Variants in ZNF185 observed in about 807,000 individuals in gnomAD.
ZNF185 encodes zinc finger protein 185.
A neutral mutation model predicts 58.6 loss-of-function variants in ZNF185; 56 were observed. The observed-to-expected ratio is 0.95, with a 90% CI of 0.77 to 1.19. ZNF185 has a LOEUF of 1.19. ZNF185 is among the 50% of genes most tolerant of loss of function. The pLI is 0.00. For missense variants in ZNF185, 627 were observed against 573.5 expected (o/e 1.09, Z -0.95); for synonymous variants, 230 against 215.9 (o/e 1.07, Z -0.57).
At chrX:152,920,805 C>A (rs1192777312) in intron 9 of ZNF185, 57 bp downstream of exon 10, 8 of 1,158,219 alleles carry the variant, frequency 6.9e-6, no homozygotes, top group Non-Finnish European at 9.4e-6. Flanking sequence ...GAAGGCCTTC[C>A]GTCAGCAGGG....
exon 23 of ZNF185, chrX:152,973,395 T>A (rs1463354012): frequency 4.4e-5 from 5 of 112,697 alleles, no homozygotes; most frequent in African/African-American, 1.6e-4. Context: ...CCTTTTTGCT[T>A]CTTTTCAATT....
chrX:152,916,286 C>T (rs1252719469), intron 3 of ZNF185, among the ~76,000 whole-genome samples: 2 of 111,301 alleles, frequency 1.8e-5, no homozygotes, highest in African/African-American at 6.5e-5. Context: ...CACTGCAGGA[C>T]AGAAGGGTCT....
At position 152,959,764 on chromosome X, in the gene ZNF185, C is replaced by T. The variant is rs782562553; in HGVS notation, c.1475C>T (p.Pro492Leu). Residue 492 changes from proline (P) to leucine (L), a missense_variant, in exon 17 of 23, where the codon CCT (proline) becomes CTT (leucine). Pro to Leu is a moderately conservative substitution (Grantham distance 98). Coordinates refer to ENST00000449285, the Ensembl canonical transcript of ZNF185. ...GTCGGAGAGGCCTGGCAGGACAGGC[C>T]TGGAGCCCCAAGAGGTGGCCAAGGA... 3.3e-6 allele frequency: 4 copies of T among 1,211,846 alleles called. No individual in the cohort carries two copies. The African/African-American group carries it at 5.2e-5, about 16-fold the overall frequency.
chrX:152,967,663 A>G (rs1450642336), intron 20 of ZNF185, among the ~76,000 whole-genome samples: 5 of 112,490 alleles, frequency 4.4e-5, no homozygotes, highest in Non-Finnish European at 7.5e-5. Context: ...AGCCAGAAAG[A>G]CACACAAAGC....
chrX:152,903,546 ATC>A, the ZNF185 span, among the ~76,000 whole-genome samples: 3 of 109,829 alleles, frequency 2.7e-5, no homozygotes, highest in Non-Finnish European at 5.7e-5. Context: ...TGGGACTAGC[ATC>A]TCTGCATGAC....
At chrX:152,901,251 T>G in the ZNF185 span, among the ~76,000 whole-genome samples, 3 of 107,404 alleles carry the variant, frequency 2.8e-5, no homozygotes, top group African/African-American at 1.0e-4. Context: ...TTTTTTTTTT[T>G]TTTTGTTAGA....
chrX:152,933,746 G>C (rs1429712613), intron 14 of ZNF185, among the ~76,000 whole-genome samples: 1 of 112,603 alleles, frequency 8.9e-6, no homozygotes, highest in Non-Finnish European at 1.9e-5. Flanking sequence ...AGCTACAACC[G>C]CAAGATATCA....
chrX:152,917,328 C>A (rs1156919163), exon 5 of ZNF185: 5 of 1,210,504 alleles, frequency 4.1e-6, no homozygotes, highest in Non-Finnish European at 5.6e-6. Context: ...CCAGCCCCAG[C>A]AGCAGTTCCC....
chrX:152,936,503 G>C (rs1272479318), intron 14 of ZNF185: 1 of 1,164,515 alleles, frequency 8.6e-7, no homozygotes, highest in Non-Finnish European at 1.1e-6. Context: ...GCCTAGACCA[G>C]CAGCCATCAG....
At chrX:152,919,046 G>T in exon 7 of ZNF185, 2 of 1,210,309 alleles carry the variant, frequency 1.7e-6, no homozygotes, top group South Asian at 3.5e-5. Context: ...AGGAGGAGGA[G>T]GTGGTGCCAT....
chrX:152,929,698 C>T (rs1382741483), intron 12 of ZNF185, among the ~76,000 whole-genome samples: 2 of 112,641 alleles, frequency 1.8e-5, no homozygotes, highest in Non-Finnish European at 3.8e-5. Context: ...TTGTCTGCGA[C>T]CGTTTCCTAC....
At chrX:152,934,035 T>C (rs1304367035) in intron 14 of ZNF185, among the ~76,000 whole-genome samples, 1 of 112,901 alleles carries the variant, frequency 8.9e-6, no homozygotes, top group African/African-American at 3.2e-5. Flanking sequence ...CTGCCACTAA[T>C]GGGGAGGACT....
chrX:152,902,124 C>T, the ZNF185 span, among the ~76,000 whole-genome samples: 1 of 112,425 alleles, frequency 8.9e-6, no homozygotes, highest in East Asian at 2.8e-4. Context: ...ATCCCTCTTC[C>T]CGCAGAGCTG....
chrX:152,945,682 G>A (rs1477420222), intron 16 of ZNF185, among the ~76,000 whole-genome samples: 1 of 111,676 alleles, frequency 9.0e-6, no homozygotes, highest in Non-Finnish European at 1.9e-5. Context: ...ACTGTGATAG[G>A]AGGATGTGTC....
intron 19 of ZNF185, among the ~76,000 whole-genome samples, chrX:152,965,774 T>C (rs1204096064): frequency 9.1e-6 from 1 of 109,713 alleles, no homozygotes; most frequent in East Asian, 2.9e-4. Context: ...TCTGTTCTGC[T>C]TGTCTTTGTT....
rs1254760744 is a variant in ZNF185, at chrX:152,946,631, C to T, written c.1409+1167C>T. Among the ~76,000 whole-genome samples, 5 of 111,185 alleles carry T rather than the reference C, an allele frequency of 4.5e-5. No individual in the cohort carries two copies. The East Asian group carries it at 1.4e-3, about 31-fold the overall frequency. On this transcript the variant is annotated intron_variant, in intron 16 of 22. Coordinates refer to ENST00000449285, the Ensembl canonical transcript of ZNF185. ...GGTTCTGGGTTTTGTTTTCGTTTTG[C>T]GGGGGAGTGTCAGGAAAGGCTTTCT...
intron 21 of ZNF185, among the ~76,000 whole-genome samples, 167 bp downstream of exon 23, chrX:152,969,651 C>T (rs1569518917): frequency 8.9e-6 from 1 of 112,199 alleles, no homozygotes; most frequent in Non-Finnish European, 1.9e-5. Flanking sequence ...CAACTGGGAG[C>T]TGAATGAGCT....
rs145237615 is a variant in ZNF185, at chrX:152,933,497, C to T, written c.1121+526C>T. The stretch of plus-strand genomic sequence containing the variant: ...GGTAGCCCTGGAGAGACCAGCGTGT[C>T]CAGCTGGGCTCTGGCTTCTTGGACC... On this transcript the variant is annotated intron_variant, in intron 14 of 22. Transcript: ENST00000449285. Among the ~76,000 whole-genome samples, 55 of 112,120 alleles carry T rather than the reference C, an allele frequency of 4.9e-4. No individual in the cohort carries two copies. In the East Asian group the frequency reaches 0.015, roughly 30 times the overall value.
At position 152,945,255 on chromosome X, in the gene ZNF185, A is replaced by C. The variant is rs1316734048; in HGVS notation, c.1212-12A>C. On this transcript the variant is annotated splice_polypyrimidine_tract_variant and intron_variant, in intron 15 of 22. Transcript: ENST00000449285. Reference sequence around the variant, plus strand: ...GAGCACTTTTTTCATAAGGGTGCTTATTCTTCTTCAGGGCCTTGGCTGATT... The same window carrying C: ...GAGCACTTTTTTCATAAGGGTGCTTCTTCTTCTTCAGGGCCTTGGCTGATT... The C allele has an allele frequency of 4.2e-6, 5 of 1,195,733 alleles. No individual in the cohort carries two copies. The highest frequency in any genetic ancestry group is 1.8e-5 in the African/African-American group (1 of 54,163).
Sources: gnomAD v4.1 joint callset for allele counts (sites outside exome capture counted in the v4.1 genomes callset) on GRCh38, gnomAD v4.1.1 for gene constraint, MANE v1.5 for transcripts, NCBI Gene and HGNC (gene_info 2026-07-23, HGNC 2026-07-21) for gene names.